THOC1: variants seen among roughly 807,000 people sequenced by gnomAD.
THOC1 encodes THO complex 1.
Under a neutral mutation model 97.3 loss-of-function variants are expected in THOC1, and 29 were observed. The observed-to-expected ratio is 0.30, with a 90% CI of 0.22 to 0.41. The LOEUF is 0.41. Ranked by LOEUF, THOC1 falls within the 10% of genes least tolerant of loss-of-function variation. The pLI, the probability that THOC1 is intolerant of heterozygous loss-of-function variation, is 1.00. For synonymous variants in THOC1, 255 were observed against 257.0 expected (o/e 0.99, Z 0.07); for missense variants, 529 against 761.9 (o/e 0.69, Z 3.60).
At chr18:233,765 C>G (rs924966413) in intron 11 of THOC1, among the ~76,000 whole-genome samples, 4 of 152,282 alleles carry the variant, frequency 2.6e-5, no homozygotes, top group Middle Eastern at 3.4e-3. Context: ...TAATATCTGA[C>G]ACAGCAAGTG....
At chr18:220,441 AAC>A (rs35020790) in intron 17 of THOC1, among the ~76,000 whole-genome samples, 24,884 of 152,176 alleles carry the variant, frequency 0.16, 2,421 homozygotes, top group African/African-American at 0.26. Flanking sequence ...AGTTTTTAAA[AAC>A]ACTATTCTGA....
At chr18:217,654 T>C (rs2143137775) in intron 18 of THOC1, among the ~76,000 whole-genome samples, 1 of 152,226 alleles carries the variant, frequency 6.6e-6, no homozygotes, top group South Asian at 2.1e-4. Context: ...ACTTGAGAAA[T>C]GAGAAAGTGG....
chr18:244,399 T>C (rs987323727), intron 11 of THOC1: 3 of 152,096 alleles, frequency 2.0e-5, no homozygotes, highest in Non-Finnish European at 2.9e-5. Flanking sequence ...GGTCACTGAG[T>C]GGTAAGTTAT....
rs760534411 is a variant in THOC1, at chr18:214,860, C to T, written c.1740G>A (p.Lys580=). The change falls in exon 21 of 21, where the codon AAG becomes AAA. Residue 580 remains lysine (K), a synonymous_variant. Coordinates refer to ENST00000261600, the MANE Select transcript of THOC1 (RefSeq NM_005131.3). ...TGEQIEVFAN[K]LGEQWKILAP... is the part of the protein sequence containing the mutation. ...CCAGAATCTTCCATTGTTCACCCAGCTTGTTGGCAAATACCTCTATTTGTT... is the reference window on the plus strand; with the variant it reads ...CCAGAATCTTCCATTGTTCACCCAGTTTGTTGGCAAATACCTCTATTTGTT... 3 of 1,613,812 alleles carry T rather than the reference C, an allele frequency of 1.9e-6. No homozygotes were observed. The highest frequency in any genetic ancestry group is 2.7e-5 in the African/African-American group (2 of 74,906).
At chr18:220,653 T>A (rs1911044157) in intron 17 of THOC1, among the ~76,000 whole-genome samples, 1 of 152,192 alleles carries the variant, frequency 6.6e-6, no homozygotes, top group Non-Finnish European at 1.5e-5. Context: ...CTAGTGAAGT[T>A]CCCCGTCTTC....
chr18:233,780 C>T (rs373012029), intron 11 of THOC1, among the ~76,000 whole-genome samples: 1 of 152,142 alleles, frequency 6.6e-6, no homozygotes, highest in Non-Finnish European at 1.5e-5. Flanking sequence ...CAAGTGTTCC[C>T]GCTTTCTTCA....
rs939969425 is a variant in THOC1 at position 214,554 on chromosome 18, G to C, written c.*72C>G. 12 of 1,236,538 alleles carry C rather than the reference G, an allele frequency of 9.7e-6. No individual in the cohort carries two copies. In the Admixed American group the frequency reaches 2.6e-4, roughly 27 times the overall value. 76.6% of individuals were successfully genotyped at this position (1,236,538 alleles called of 1,614,324 possible). A position where few individuals can be genotyped will look rare whatever the true frequency, so the allele number is the denominator to read the frequency against. On this transcript the variant is annotated 3_prime_UTR_variant, in exon 21 of 21. Transcript: ENST00000261600. Reference sequence around the variant, plus strand: ...AAATGTTTATTGTTTACCAAAACCAGTGGACCTCTTATCAAATGCTGCTTG... The same window carrying C: ...AAATGTTTATTGTTTACCAAAACCACTGGACCTCTTATCAAATGCTGCTTG...
intron 15 of THOC1, 61 bp from the exon 16 acceptor site, chr18:224,240 A>C: frequency 8.1e-7 from 1 of 1,239,746 alleles, no homozygotes; most frequent in Non-Finnish European, 1.2e-6. Context: ...AAATAGAAGA[A>C]TGTTTAACGT....
At chr18:259,054 T>A (rs1250073611) in intron 7 of THOC1, 126 bp downstream of exon 7, 7 of 677,508 alleles carry the variant, frequency 1.0e-5, no homozygotes, top group Non-Finnish European at 1.7e-5. Flanking sequence ...GAAAATAAAG[T>A]GACAATTTCT....
At chr18:215,396 T>G (rs1166011631) in intron 20 of THOC1, 33 bp downstream of exon 20, 1 of 1,565,456 alleles carries the variant, frequency 6.4e-7, no homozygotes, top group Admixed American at 1.7e-5. Context: ...CGTCTTCAAT[T>G]TTGTTAAATA....
intron 1 of THOC1, among the ~76,000 whole-genome samples, chr18:267,038 A>G (rs1053990371): frequency 6.7e-5 from 10 of 148,514 alleles, no homozygotes; most frequent in African/African-American, 2.5e-4. Context: ...TATATATATA[A>G]CCCTGCAAAC....
At chr18:217,144 A>T (rs1380574943) in intron 18 of THOC1, among the ~76,000 whole-genome samples, 3 of 152,232 alleles carry the variant, frequency 2.0e-5, no homozygotes, top group African/African-American at 7.2e-5. Flanking sequence ...TCCATTTAAG[A>T]GTTTTGGATT....
rs140566097 is a variant in THOC1 at position 242,488 on chromosome 18, C to T, written c.918+3836G>A. On this transcript the variant is annotated intron_variant, in intron 11 of 20. Coordinates refer to ENST00000261600, the MANE Select transcript of THOC1 (RefSeq NM_005131.3). This position sits in a 1 kb window ranked among gnomAD's most constrained non-coding sequence, Gnocchi z 4.5. ...TATCATCCTTGCCAAGCATTGTTTC[C>T]GGACTATCCCTAAGGAAAAGTCTGA... 8.5e-5 allele frequency among the ~76,000 whole-genome samples: 13 copies of T among 152,094 alleles called. No individual in the cohort carries two copies. Among genetic ancestry groups the T allele is most frequent in the East Asian group, 3.9e-4 (2 of 5,172 alleles).
In THOC1 at chr18:246,434, C is replaced by T. The variant is rs1286319225; in HGVS notation, c.808G>A (p.Val270Ile). The change falls in exon 11 of 21, where the codon GTT becomes ATT. Residue 270 changes from valine to isoleucine, a missense_variant. Val to Ile is a conservative substitution (Grantham distance 29). This residue lies in a region of THOC1 where 92 missense variants were observed against 127.0 expected (regional missense o/e 0.72). Coordinates refer to ENST00000261600, the MANE Select transcript of THOC1 (RefSeq NM_005131.3). ...FLKYSEEVLA[V>I]FKSYKLDDTQ... is the part of the protein sequence containing the mutation. ...TCATCTAATTTATAACTCTTAAAAA[C>T]AGCTAAAACTTCTTCAGAATACTGC... 6.4e-7 allele frequency: 1 copy of T among 1,574,798 alleles called. No individual in the cohort carries two copies. Among genetic ancestry groups the T allele is most frequent in the Non-Finnish European group, 8.7e-7 (1 of 1,155,712 alleles).
chr18:235,962 G>GT (rs1567848267), intron 11 of THOC1, among the ~76,000 whole-genome samples: 1 of 152,096 alleles, frequency 6.6e-6, no homozygotes, highest in Non-Finnish European at 1.5e-5. Context: ...TCATAATTTT[G>GT]TAAGTTTTTG....
chr18:267,798 G>A (rs1042678385), intron 1 of THOC1, among the ~76,000 whole-genome samples, 168 bp downstream of exon 1: 1 of 152,200 alleles, frequency 6.6e-6, no homozygotes, highest in Admixed American at 6.5e-5. Flanking sequence ...GAAGAGGCGG[G>A]TAGTGCGTCT....
chr18:265,164 T>C (rs1912723151), intron 3 of THOC1, 139 bp downstream of exon 3: 2 of 679,304 alleles, frequency 2.9e-6, no homozygotes, highest in African/African-American at 3.6e-5. Flanking sequence ...CGTATAGTCA[T>C]CAAGTCAACT....
intron 1 of THOC1, among the ~76,000 whole-genome samples, 196 bp from the exon 2 acceptor site, chr18:265,726 G>T (rs968409249): frequency 3.3e-5 from 5 of 151,700 alleles, no homozygotes; most frequent in Non-Finnish European, 7.4e-5. Context: ...TTTAAATCTG[G>T]CAAGAGCTTC....
chr18:223,098 G>A (rs1249613876), intron 17 of THOC1, among the ~76,000 whole-genome samples: 1 of 151,970 alleles, frequency 6.6e-6, no homozygotes, highest in African/African-American at 2.4e-5. Flanking sequence ...TGCCCATTTT[G>A]CAAGTTCAAC....
Sources: gnomAD v4.1 joint callset for allele counts (sites outside exome capture counted in the v4.1 genomes callset) on GRCh38, gnomAD v4.1.1 for gene constraint, gnomAD v4.1.1 regional missense constraint, Gnocchi (gnomAD v3.1) non-coding constraint, MANE v1.5 for transcripts, NCBI Gene and HGNC (gene_info 2026-07-23, HGNC 2026-07-21) for gene names.